Variants in CNTNAP5 observed in about 807,000 individuals in gnomAD.
The protein encoded by CNTNAP5 is contactin-associated protein-like 5.
CNTNAP5 carries 72 observed loss-of-function variants against 150.2 expected under a neutral mutation model. That is an observed-to-expected ratio of 0.48 (90% CI 0.40 to 0.58). CNTNAP5 has a LOEUF of 0.58. Ranked by LOEUF, CNTNAP5 falls within the 20% of genes least tolerant of loss-of-function variation. The pLI, the probability that CNTNAP5 is intolerant of heterozygous loss-of-function variation, is 0.00. For synonymous variants in CNTNAP5, 672 were observed against 619.8 expected, an observed-to-expected ratio of 1.08 and a Z score of -1.25; for missense variants, 1,636 against 1,626.2, an observed-to-expected ratio of 1.01 and a Z score of -0.10.
At chr2:124,026,251 C>T (rs1456246161) in intron 1 of CNTNAP5, among the ~76,000 whole-genome samples, 2 of 152,120 alleles carry the variant, frequency 1.3e-5, no homozygotes, top group African/African-American at 4.8e-5. Context: ...CAATGGGCAC[C>T]GGTTTAACAG....
At chr2:124,050,573 C>T (rs1297179671) in intron 1 of CNTNAP5, among the ~76,000 whole-genome samples, 1 of 152,100 alleles carries the variant, frequency 6.6e-6, no homozygotes, top group East Asian at 1.9e-4. Flanking sequence ...TCTGCACTTT[C>T]CGGGGTGCTC....
At chr2:124,747,690 G>A (rs1383422377) in intron 14 of CNTNAP5, among the ~76,000 whole-genome samples, 1 of 137,250 alleles carries the variant, frequency 7.3e-6, no homozygotes, top group Non-Finnish European at 1.5e-5. Context: ...CGCGATCTTG[G>A]CTCACTGCAA....
At chr2:124,303,912 G>A (rs1688621381) in intron 3 of CNTNAP5, among the ~76,000 whole-genome samples, 1 of 152,106 alleles carries the variant, frequency 6.6e-6, no homozygotes, top group African/African-American at 2.4e-5. Flanking sequence ...CATGCCAGTA[G>A]TTCCAGATAC....
intron 23 of CNTNAP5, among the ~76,000 whole-genome samples, chr2:124,911,876 A>C (rs770682383): frequency 2.0e-5 from 3 of 152,120 alleles, no homozygotes; most frequent in Non-Finnish European, 4.4e-5. Context: ...GCAAACCAAT[A>C]AAACTAAATT....
intron 7 of CNTNAP5, among the ~76,000 whole-genome samples, chr2:124,486,205 G>A (rs1309770676): frequency 2.0e-5 from 3 of 152,158 alleles, no homozygotes; most frequent in African/African-American, 7.2e-5. Flanking sequence ...CTCAGTAATG[G>A]AAAATCAAAC....
At chr2:124,086,816 T>C (rs536958033) in intron 1 of CNTNAP5, among the ~76,000 whole-genome samples, 1 of 151,770 alleles carries the variant, frequency 6.6e-6, no homozygotes, top group African/African-American at 2.4e-5. Flanking sequence ...TTTATTTTAT[T>C]TTAATATATT....
intron 1 of CNTNAP5, among the ~76,000 whole-genome samples, chr2:124,201,245 A>G (rs1685720448): frequency 6.6e-6 from 1 of 152,220 alleles, no homozygotes; most frequent in Admixed American, 6.5e-5. Context: ...AGGTACATGC[A>G]CTACTTTTAA....
At chr2:124,457,921 T>C (rs1693158497) in intron 6 of CNTNAP5, among the ~76,000 whole-genome samples, 1 of 151,906 alleles carries the variant, frequency 6.6e-6, no homozygotes, top group South Asian at 2.1e-4. Flanking sequence ...TAGTAGATGT[T>C]GGCATGGATA....
intron 14 of CNTNAP5, among the ~76,000 whole-genome samples, chr2:124,752,594 A>G (rs749029001): frequency 1.6e-4 from 24 of 152,186 alleles, no homozygotes; most frequent in Admixed American, 4.6e-4. Context: ...GGGTTTTTCT[A>G]TCTCAGCCAA....
intron 7 of CNTNAP5, among the ~76,000 whole-genome samples, chr2:124,497,765 G>A (rs928117992): frequency 2.6e-5 from 4 of 152,146 alleles, no homozygotes; most frequent in African/African-American, 4.8e-5. Context: ...ATGGAGGCCT[G>A]AGCTCCCTGT....
chr2:124,197,303 C>A (rs567431148), intron 1 of CNTNAP5, among the ~76,000 whole-genome samples: 2 of 151,536 alleles, frequency 1.3e-5, no homozygotes, highest in South Asian at 4.2e-4. Context: ...GAAAGTTTTA[C>A]CATCTACACT....
At chr2:124,298,332 T>A (rs555825455) in intron 3 of CNTNAP5, among the ~76,000 whole-genome samples, 3 of 152,020 alleles carry the variant, frequency 2.0e-5, no homozygotes, top group African/African-American at 7.2e-5. Context: ...AAAAATGAGA[T>A]GAAGATGAGC....
At chr2:124,646,995 A>G (rs1309517369) in intron 12 of CNTNAP5, among the ~76,000 whole-genome samples, 1 of 152,210 alleles carries the variant, frequency 6.6e-6, no homozygotes, top group African/African-American at 2.4e-5. Context: ...AATTTTTTTA[A>G]TAAAAGGAAG....
chr2:124,724,874 A>T (rs899434793), intron 13 of CNTNAP5, among the ~76,000 whole-genome samples: 1 of 150,226 alleles, frequency 6.7e-6, no homozygotes, highest in Admixed American at 6.6e-5. Flanking sequence ...GTGGTACATT[A>T]ATCCCTCAGC....
chr2:124,096,616 A>T lies in CNTNAP5; in HGVS notation c.82+70884A>T, dbSNP rs75777036. Among the ~76,000 whole-genome samples the T allele has an allele frequency of 5.6e-3, 859 of 152,052 alleles. 5 individuals carry two copies. The highest frequency in any genetic ancestry group is 0.024 in the Middle Eastern group (7 of 292). Reference sequence around the variant, plus strand: ...CATATCATATATATTCCAATGAACTATTTGGGGAACTGTATTCCCTAGCTC... The same window carrying T: ...CATATCATATATATTCCAATGAACTTTTTGGGGAACTGTATTCCCTAGCTC... On this transcript the variant is annotated intron_variant, in intron 1 of 23. Coordinates refer to ENST00000682447, the MANE Select transcript of CNTNAP5 (RefSeq NM_001367498.1).
At chr2:124,593,371 T>G in intron 11 of CNTNAP5, among the ~76,000 whole-genome samples, 1 of 114,772 alleles carries the variant, frequency 8.7e-6, no homozygotes, top group East Asian at 2.7e-4. Flanking sequence ...CACCTATGAG[T>G]GAGAATATGC....
chr2:124,358,808 G>A (rs1296290221), intron 3 of CNTNAP5, among the ~76,000 whole-genome samples: 1 of 150,622 alleles, frequency 6.6e-6, no homozygotes, highest in East Asian at 1.9e-4. Context: ...TCAGAATGAT[G>A]CTGGCCTCAT....
At chr2:124,580,274 C>T (rs1340295661) in intron 11 of CNTNAP5, among the ~76,000 whole-genome samples, 3 of 152,208 alleles carry the variant, frequency 2.0e-5, no homozygotes, top group Admixed American at 1.3e-4. Flanking sequence ...TGCCTCTTTA[C>T]ATATTTTAAG....
At chr2:124,216,543 T>C (rs1686161475) in intron 1 of CNTNAP5, among the ~76,000 whole-genome samples, 2 of 152,018 alleles carry the variant, frequency 1.3e-5, no homozygotes, top group African/African-American at 4.8e-5. Context: ...TCCCACCTCC[T>C]CCCACCCCAC....
Sources: gnomAD v4.1 joint callset for allele counts (sites outside exome capture counted in the v4.1 genomes callset) on GRCh38, gnomAD v4.1.1 for gene constraint, MANE v1.5 for transcripts, NCBI Gene and HGNC (gene_info 2026-07-23, HGNC 2026-07-21) for gene names.